ITFG1: variants seen among roughly 807,000 people sequenced by gnomAD.
ITFG1 encodes T-cell immunomodulatory protein.
A neutral mutation model predicts 81.8 loss-of-function variants in ITFG1; 34 were observed. The observed-to-expected ratio is 0.42, with a 90% CI of 0.32 to 0.55. ITFG1 has a LOEUF of 0.55. ITFG1 is among the 20% of genes least tolerant of loss of function. The pLI, the probability that ITFG1 is intolerant of heterozygous loss-of-function variation, is 0.17. For missense variants in ITFG1, 672 were observed against 755.4 expected, an observed-to-expected ratio of 0.89 and a Z score of 1.29; for synonymous variants, 285 against 270.6, an observed-to-expected ratio of 1.05 and a Z score of -0.52.
intron 10 of ITFG1, among the ~76,000 whole-genome samples, chr16:47,296,521 C>A (rs999346231): frequency 6.6e-6 from 1 of 152,078 alleles, no homozygotes; most frequent in South Asian, 2.1e-4. Context: ...CTGAAACTTC[C>A]GCCTCCCGGA....
chr16:47,155,877 C>A (rs1964696252), intron 17 of ITFG1, 99 bp from the exon 18 acceptor site: 3 of 790,916 alleles, frequency 3.8e-6, no homozygotes, highest in Non-Finnish European at 6.2e-6. Context: ...AAGTCTCCAG[C>A]AATTAGCAGA....
At chr16:47,427,906 G>A (rs1341291140) in intron 6 of ITFG1, among the ~76,000 whole-genome samples, 1 of 152,212 alleles carries the variant, frequency 6.6e-6, no homozygotes, top group Admixed American at 6.5e-5. Flanking sequence ...AGCCAATGTG[G>A]GTGGATTGCT....
At chr16:47,212,909 A>G (rs1358747509) in intron 14 of ITFG1, among the ~76,000 whole-genome samples, 1 of 152,086 alleles carries the variant, frequency 6.6e-6, no homozygotes, top group Non-Finnish European at 1.5e-5. Flanking sequence ...TTGAATTTCA[A>G]TAACTTCTGC....
intron 6 of ITFG1, among the ~76,000 whole-genome samples, chr16:47,410,904 C>A (rs1376639277): frequency 6.6e-6 from 1 of 152,200 alleles, no homozygotes; most frequent in Non-Finnish European, 1.5e-5. Flanking sequence ...TTCTGGGTAG[C>A]TCTAACCAGG....
At chr16:47,314,369 G>C (rs774854866) in intron 8 of ITFG1, among the ~76,000 whole-genome samples, 1 of 152,092 alleles carries the variant, frequency 6.6e-6, no homozygotes, top group Non-Finnish European at 1.5e-5. Flanking sequence ...TTAAACGTGA[G>C]ACTCTTAACT....
chr16:47,301,825 T>C (rs1274850013), intron 10 of ITFG1, among the ~76,000 whole-genome samples: 1 of 152,240 alleles, frequency 6.6e-6, no homozygotes, highest in East Asian at 1.9e-4. Flanking sequence ...CAACAACCTA[T>C]TCAAAAGTCC....
intron 6 of ITFG1, among the ~76,000 whole-genome samples, chr16:47,394,593 G>A (rs967799381): frequency 2.0e-5 from 3 of 151,212 alleles, no homozygotes; most frequent in Non-Finnish European, 1.5e-5. Flanking sequence ...TTCATTACTC[G>A]CCAGAAGCAC....
In ITFG1 at chr16:47,274,143, A is replaced by G. The variant is rs867733630; in HGVS notation, c.1071-13448T>C. On this transcript the variant is annotated intron_variant, in intron 10 of 17. Transcript: ENST00000320640. ...GTGGTGGTGGGTGCCTGTAATCCCAACTACTCGGGAGGCTGAGGCAGGAGA... is the reference window on the plus strand; with the variant it reads ...GTGGTGGTGGGTGCCTGTAATCCCAGCTACTCGGGAGGCTGAGGCAGGAGA... Among the ~76,000 whole-genome samples the G allele has an allele frequency of 3.3e-4, 50 of 151,928 alleles. No individual in the cohort carries two copies. In the Middle Eastern group the frequency reaches 0.02, roughly 62 times the overall value.
At chr16:47,451,577 C>T in intron 4 of ITFG1, 107 bp from the exon 5 acceptor site, 1 of 627,894 alleles carries the variant, frequency 1.6e-6, no homozygotes, top group Non-Finnish European at 2.8e-6. Flanking sequence ...CATTACAATG[C>T]TCGCCAGTAT....
intron 2 of ITFG1, among the ~76,000 whole-genome samples, chr16:47,456,508 C>T (rs986126634): frequency 6.6e-6 from 1 of 151,814 alleles, no homozygotes; most frequent in South Asian, 2.1e-4. Context: ...CCGGGCAACA[C>T]GGTGAAACCC....
rs1334464665 is a variant in ITFG1 at position 47,428,810 on chromosome 16, T to G, written c.649A>C (p.Thr217Pro). Residue 217 changes from threonine to proline, a missense_variant, in exon 6 of 18, where the codon ACA (threonine) becomes CCA (proline). Physicochemically the swap from Thr to Pro is conservative, Grantham distance 38. This residue lies in a region of ITFG1 where 560 missense variants were observed against 625.7 expected (regional missense o/e 0.90). Transcript: ENST00000320640. ...AGATTTATGTGCAACTCACCTGCTG[T>G]AAAATCTTCAGTCAGATCAATAAAT... ...HAFIDLTEDF[T>P]ADLFLTTLNA... 1 of 1,604,798 alleles carries G rather than the reference T, an allele frequency of 6.2e-7. No homozygotes were observed.
chr16:47,227,281 T>C (rs1965768427), intron 13 of ITFG1, among the ~76,000 whole-genome samples: 1 of 152,244 alleles, frequency 6.6e-6, no homozygotes, highest in Non-Finnish European at 1.5e-5. Flanking sequence ...GTTTCTTCTA[T>C]ACAATAAAGG....
intron 8 of ITFG1, among the ~76,000 whole-genome samples, chr16:47,364,637 G>C (rs1968151936): frequency 6.6e-6 from 1 of 152,028 alleles, no homozygotes; most frequent in African/African-American, 2.4e-5. Context: ...AACTGTAAAG[G>C]CAACAGAAAT....
intron 10 of ITFG1, among the ~76,000 whole-genome samples, chr16:47,295,803 T>C (rs893340814): frequency 6.6e-6 from 1 of 152,188 alleles, no homozygotes; most frequent in Non-Finnish European, 1.5e-5. Flanking sequence ...TTTTATTTAG[T>C]ACTGCTTTAA....
intron 10 of ITFG1, among the ~76,000 whole-genome samples, chr16:47,295,515 C>T (rs1308121862): frequency 3.9e-5 from 6 of 152,130 alleles, no homozygotes; most frequent in Non-Finnish European, 7.4e-5. Flanking sequence ...ATCTGTTCAA[C>T]ATTTATATTT....
chr16:47,297,631 CT>C lies in ITFG1; in HGVS notation c.1070+13608del, dbSNP rs767640557. 1.9e-3 allele frequency among the ~76,000 whole-genome samples: 251 copies of C among 132,874 alleles called. 1 individual carries two copies. Among genetic ancestry groups the C allele is most frequent in the African/African-American group, 3.3e-3 (121 of 36,530 alleles). 87.2% of individuals were successfully genotyped at this position (132,874 alleles called of 152,430 possible). A position where few individuals can be genotyped will look rare whatever the true frequency, so the allele number is the denominator to read the frequency against. On this transcript the variant is annotated intron_variant, in intron 10 of 17. Coordinates refer to ENST00000320640, the MANE Select transcript of ITFG1 (RefSeq NM_030790.5). The stretch of plus-strand genomic sequence containing the variant: ...TATAAAATTCCTGATTGACAGTTTG[CT>C]TTTTTTTTTTTTTTTCTCTTTAAGA...
chr16:47,431,055 A>T (rs575122410), intron 5 of ITFG1, among the ~76,000 whole-genome samples: 1 of 152,392 alleles, frequency 6.6e-6, no homozygotes, highest in Non-Finnish European at 1.5e-5. Context: ...TTAAAAACAT[A>T]CTATGTGAAA....
At chr16:47,377,224 T>C (rs1364813299) in intron 6 of ITFG1, among the ~76,000 whole-genome samples, 1 of 152,156 alleles carries the variant, frequency 6.6e-6, no homozygotes, top group Non-Finnish European at 1.5e-5. Context: ...AAACTCCTCA[T>C]TCCAAGTGGA....
chr16:47,409,352 TAACAAGACACATA>T (rs1348096539), intron 6 of ITFG1, among the ~76,000 whole-genome samples: 1 of 103,666 alleles, frequency 9.6e-6, no homozygotes, highest in Non-Finnish European at 1.8e-5. Flanking sequence ...TGCAAATACA[TAACAAGACACATA>T]CACACACACT....
Sources: gnomAD v4.1 joint callset for allele counts (sites outside exome capture counted in the v4.1 genomes callset) on GRCh38, gnomAD v4.1.1 for gene constraint, gnomAD v4.1.1 regional missense constraint, MANE v1.5 for transcripts, NCBI Gene and HGNC (gene_info 2026-07-23, HGNC 2026-07-21) for gene names.